Variants in TAF15 observed in about 807,000 individuals in gnomAD.
TAF15 encodes TATA-box binding protein associated factor 15.
In TAF15, 37 loss-of-function variants were observed where a neutral mutation model predicts 102.5. The observed-to-expected ratio is 0.36, with a 90% CI of 0.28 to 0.47. The LOEUF (loss-of-function observed/expected upper bound fraction) is 0.47. Ranked by LOEUF, TAF15 falls within the 20% of genes least tolerant of loss-of-function variation. The probability of loss-of-function intolerance (pLI) is 0.99; values close to 1 mark genes in which losing one functional copy is unlikely to be tolerated. For missense variants in TAF15, 652 were observed against 760.7 expected, an observed-to-expected ratio of 0.86 and a Z score of 1.68; for synonymous variants, 273 against 259.2, an observed-to-expected ratio of 1.05 and a Z score of -0.51.
intron 2 of TAF15, among the ~76,000 whole-genome samples, chr17:35,819,589 C>G (rs1429310097): frequency 6.6e-6 from 1 of 152,078 alleles, no homozygotes; most frequent in African/African-American, 2.4e-5. Context: ...TTAACTAAGG[C>G]AAATGGTGGG....
At chr17:35,809,911 TAGAGCATCAGCCTGAGAGA>T (rs1404213417) in intron 1 of TAF15, 8 of 517,978 alleles carry the variant, frequency 1.5e-5, no homozygotes, top group Non-Finnish European at 3.5e-6. Context: ...GAGCCGAGAT[TAGAGCATCAGCCTGAGAGA>T]AGCGGTGCTT....
intron 10 of TAF15, among the ~76,000 whole-genome samples, chr17:35,837,986 G>A (rs950771564): frequency 2.3e-4 from 34 of 150,666 alleles, no homozygotes; most frequent in African/African-American, 8.1e-4. Flanking sequence ...CCAAGGGTTT[G>A]AGACCAGCCT....
chr17:35,847,177 AT>A lies in TAF15; in HGVS notation c.*234del, dbSNP rs2087634029. On this transcript the variant is annotated 3_prime_UTR_variant, in exon 16 of 16. Coordinates refer to ENST00000605844, the MANE Select transcript of TAF15 (RefSeq NM_139215.3). ...CTTGGAGCTAAATGCGTTGTAAAAT[AT>A]TGCCAAAATGAAAAGTGTTTTGTAA... 8 of 611,002 alleles carry A rather than the reference AT, an allele frequency of 1.3e-5. No individual in the cohort carries two copies. Among genetic ancestry groups the A allele is most frequent in the Non-Finnish European group, 2.0e-5 (7 of 345,500 alleles). The allele number at this position is 611,002 out of a possible 1,614,324, so 37.8% of individuals were successfully genotyped here. A position where few individuals can be genotyped will look rare whatever the true frequency, so the allele number is the denominator to read the frequency against.
At chr17:35,814,710 G>A (rs944250897) in intron 1 of TAF15, among the ~76,000 whole-genome samples, 4 of 151,714 alleles carry the variant, frequency 2.6e-5, no homozygotes, top group Non-Finnish European at 2.9e-5. Context: ...AAAACTAGCC[G>A]GGCAAGGTGG....
intron 7 of TAF15, among the ~76,000 whole-genome samples, chr17:35,824,658 C>T (rs1206178578): frequency 6.6e-6 from 1 of 152,102 alleles, no homozygotes; most frequent in African/African-American, 2.4e-5. Flanking sequence ...GTGGGGATGG[C>T]AAATAAGAGA....
At chr17:35,816,794 ACCACCCCCACC>A (rs1417109374) in intron 1 of TAF15, 2 of 95,036 alleles carry the variant, frequency 2.1e-5, no homozygotes, top group African/African-American at 8.3e-5. Flanking sequence ...TTTTTATGTT[ACCACCCCCACC>A]CCACCCCCAC....
chr17:35,843,928 C>G, intron 12 of TAF15, 149 bp from the exon 13 acceptor site: 1 of 786,488 alleles, frequency 1.3e-6, no homozygotes, highest in Admixed American at 1.8e-5. Flanking sequence ...AGACCCAAAT[C>G]AAAGAATTAC....
chr17:35,831,868 G>A (rs1176065659), intron 7 of TAF15, among the ~76,000 whole-genome samples: 1 of 151,600 alleles, frequency 6.6e-6, no homozygotes, highest in African/African-American at 2.4e-5. Flanking sequence ...AGATCACGAG[G>A]TCAGGAGATC....
intron 2 of TAF15, 38 bp downstream of exon 2, chr17:35,817,793 G>A (rs1439205207): frequency 6.3e-7 from 1 of 1,576,436 alleles, no homozygotes; most frequent in African/African-American, 1.3e-5. Flanking sequence ...TGAAAGGGTA[G>A]AACTGAGGTG....
chr17:35,832,332 T>C (rs1298499351), intron 7 of TAF15, among the ~76,000 whole-genome samples: 1 of 152,188 alleles, frequency 6.6e-6, no homozygotes, highest in Admixed American at 6.5e-5. Flanking sequence ...CTTAGTCTCC[T>C]GCTTAAAAAG....
Position 35,846,939 on chromosome 17 carries a change from A to G in TAF15, c.1773A>G (p.Pro591=). Residue 591 remains proline, a synonymous_variant, in exon 16 of 16, where the codon CCA becomes CCG. Coordinates refer to ENST00000605844, the MANE Select transcript of TAF15 (RefSeq NM_139215.3). ...NDYRNDQRNR[P]Y ...ACAGAAATGATCAGCGCAACCGACC[A>G]TACTGATGACTGTTTTGAATGTTCC... The G allele has an allele frequency of 6.2e-7, 1 of 1,614,200 alleles. No individual in the cohort carries two copies. The highest frequency in any genetic ancestry group is 8.5e-7 in the Non-Finnish European group (1 of 1,180,030).
rs113927471 is a variant in TAF15, at chr17:35,841,224, T to C, written c.914-1143T>C. On this transcript the variant is annotated intron_variant, in intron 11 of 15. Transcript: ENST00000605844. ...GGTACCAAGGGCATATGGTAAAATA[T>C]GAGTTTCTTTTTCACCTTTGAATCC... 6.8e-4 allele frequency among the ~76,000 whole-genome samples: 103 copies of C among 152,346 alleles called. 1 individual carries two copies. The highest frequency in any genetic ancestry group is 2.2e-3 in the African/African-American group (93 of 41,588).
In TAF15 at chr17:35,815,136, A is replaced by T. The variant is rs187128017; in HGVS notation, c.8-2580A>T. 7.2e-5 allele frequency among the ~76,000 whole-genome samples: 11 copies of T among 152,322 alleles called. No homozygotes were observed. In the East Asian group the frequency reaches 1.5e-3, roughly 21 times the overall value. On this transcript the variant is annotated intron_variant, in intron 1 of 15. Transcript: ENST00000605844. ...AACATGTGCCAAGGGGGAAAAGCAAAACAGGAAATCTGAGCAAATACCAAG... is the reference window on the plus strand; with the variant it reads ...AACATGTGCCAAGGGGGAAAAGCAATACAGGAAATCTGAGCAAATACCAAG...
chr17:35,832,085 A>G (rs933452078), intron 7 of TAF15, among the ~76,000 whole-genome samples: 1 of 152,104 alleles, frequency 6.6e-6, no homozygotes, highest in Admixed American at 6.5e-5. Flanking sequence ...CTGGGAAAAA[A>G]CAAACAAAAA....
At chr17:35,829,830 T>G (rs1363360403) in intron 7 of TAF15, among the ~76,000 whole-genome samples, 1 of 151,906 alleles carries the variant, frequency 6.6e-6, no homozygotes. Flanking sequence ...GGGGGAACTG[T>G]CTGTGTTTGG....
intron 1 of TAF15, chr17:35,810,065 TG>T (rs2087107357): frequency 4.1e-6 from 1 of 245,080 alleles, no homozygotes; most frequent in South Asian, 4.9e-5. Context: ...ATTCATCAGG[TG>T]GGGGCCTTGA....
chr17:35,824,029 C>T, intron 6 of TAF15, 49 bp from the exon 7 acceptor site: 1 of 1,613,444 alleles, frequency 6.2e-7, no homozygotes, highest in Non-Finnish European at 8.5e-7. Context: ...TTATTTGAAG[C>T]TTTAGAAATG....
intron 7 of TAF15, 107 bp downstream of exon 7, chr17:35,824,305 C>A: frequency 2.1e-6 from 3 of 1,420,278 alleles, no homozygotes; most frequent in South Asian, 1.3e-5. Context: ...AGTTAAGAGA[C>A]TTTAAAAAGG....
intron 12 of TAF15, among the ~76,000 whole-genome samples, chr17:35,842,802 G>A (rs377413093): frequency 5.3e-5 from 8 of 151,984 alleles, no homozygotes; most frequent in African/African-American, 1.9e-4. Context: ...GCGTGATCTC[G>A]GCTCACCACA....
Sources: allele counts gnomAD v4.1 joint callset (sites outside exome capture counted in the v4.1 genomes callset), GRCh38; gene constraint gnomAD v4.1.1; transcripts MANE v1.5; gene names NCBI Gene and HGNC (gene_info 2026-07-23, HGNC 2026-07-21).